Variants in DCAF6 observed in about 807,000 individuals in gnomAD.
The protein encoded by DCAF6 is DDB1 and CUL4 associated factor 6, also known as DDB1- and CUL4-associated factor 6.
A neutral mutation model predicts 125.1 loss-of-function variants in DCAF6; 54 were observed. The ratio of observed to expected loss-of-function variants is 0.43; its 90% CI spans 0.35 to 0.54. DCAF6 has a LOEUF of 0.54. Among genes scored for constraint, DCAF6 ranks in the 20% least tolerant of loss-of-function variants. The pLI, the probability that DCAF6 is intolerant of heterozygous loss-of-function variation, is 0.01. For missense variants in DCAF6, 934 were observed against 1,161.7 expected, an observed-to-expected ratio of 0.80 and a Z score of 2.85; for synonymous variants, 371 against 390.4, an observed-to-expected ratio of 0.95 and a Z score of 0.58.
intron 12 of DCAF6, among the ~76,000 whole-genome samples, chr1:168,032,312 A>C (rs1196845206): frequency 6.6e-6 from 1 of 152,220 alleles, no homozygotes; most frequent in Non-Finnish European, 1.5e-5. Context: ...GGGTAGATAG[A>C]TCTTCTCTGT....
At chr1:167,926,506 A>G in the DCAF6 span, among the ~76,000 whole-genome samples, 1 of 152,266 alleles carries the variant, frequency 6.6e-6, no homozygotes, top group Non-Finnish European at 1.5e-5. Context: ...ACTGAGTTTC[A>G]GAATATATAA....
At chr1:167,938,112 A>G (rs556318456) in intron 1 of DCAF6, among the ~76,000 whole-genome samples, 24 of 152,350 alleles carry the variant, frequency 1.6e-4, no homozygotes, top group Non-Finnish European at 2.8e-4. Flanking sequence ...TAAAAACTCA[A>G]TAAAAATGAA....
chr1:168,028,504 T>G (rs1686635915), intron 12 of DCAF6, among the ~76,000 whole-genome samples: 1 of 152,228 alleles, frequency 6.6e-6, no homozygotes, highest in Admixed American at 6.5e-5. Context: ...CTGCAGGCAC[T>G]AATTTTCTGT....
intron 7 of DCAF6, among the ~76,000 whole-genome samples, 164 bp from the exon 8 acceptor site, chr1:168,002,318 A>G (rs1007439261): frequency 6.6e-6 from 1 of 152,176 alleles, no homozygotes; most frequent in Non-Finnish European, 1.5e-5. Context: ...TGAATGCTTT[A>G]AAAGACTGAC....
At chr1:167,888,599 G>T in the DCAF6 span, among the ~76,000 whole-genome samples, 1 of 152,010 alleles carries the variant, frequency 6.6e-6, no homozygotes, top group Non-Finnish European at 1.5e-5. Flanking sequence ...TTTTTGGGCC[G>T]GGCGCGGTGG....
the DCAF6 span, among the ~76,000 whole-genome samples, chr1:167,907,668 C>G: frequency 7.9e-5 from 12 of 152,224 alleles, no homozygotes; most frequent in South Asian, 2.5e-3. Context: ...TTTAGATTAG[C>G]AAGAGGTGAT....
upstream of DCAF6, among the ~76,000 whole-genome samples, chr1:167,933,349 T>TA (rs1411677129): frequency 1.3e-5 from 2 of 152,094 alleles, no homozygotes; most frequent in East Asian, 3.8e-4. Flanking sequence ...TGTATTTTAG[T>TA]AGAGATAGGG....
At chr1:167,924,662 T>C in the DCAF6 span, 3 of 635,918 alleles carry the variant, frequency 4.7e-6, no homozygotes, top group African/African-American at 3.8e-5. Flanking sequence ...ACTTTTACTA[T>C]GCTTTTTGCA....
chr1:168,042,039 AT>A (rs960223407), intron 13 of DCAF6, among the ~76,000 whole-genome samples: 2 of 151,906 alleles, frequency 1.3e-5, no homozygotes, highest in African/African-American at 2.4e-5. Flanking sequence ...ACCCATATGA[AT>A]ATACAGTTTT....
chr1:167,906,527 C>T, the DCAF6 span, among the ~76,000 whole-genome samples: 1 of 151,580 alleles, frequency 6.6e-6, no homozygotes, highest in East Asian at 1.9e-4. Context: ...GTGGTTTGTG[C>T]CTATAATCCC....
At chr1:167,893,918 G>A in the DCAF6 span, 5 of 1,613,374 alleles carry the variant, frequency 3.1e-6, no homozygotes, top group South Asian at 2.2e-5. Context: ...TCAGGCTTCA[G>A]CGTGCATGCA....
In DCAF6 at chr1:168,063,766, A is replaced by C; in HGVS notation, c.2439+7A>C. 2 of 1,594,550 alleles carry C rather than the reference A, an allele frequency of 1.3e-6. No individual in the cohort carries two copies. The highest frequency in any genetic ancestry group is 1.7e-6 in the Non-Finnish European group (2 of 1,173,602). ...TCGCAACTCCAGGACAATGGTACCAAATGTTCATGGCATTTTTTGGTGAAA... is the reference window on the plus strand; with the variant it reads ...TCGCAACTCCAGGACAATGGTACCACATGTTCATGGCATTTTTTGGTGAAA... On this transcript the variant is annotated splice_region_variant and intron_variant, in intron 18 of 21. Transcript: ENST00000367840.
At chr1:168,020,761 A>G (rs1286210507) in intron 11 of DCAF6, among the ~76,000 whole-genome samples, 1 of 152,134 alleles carries the variant, frequency 6.6e-6, no homozygotes, top group African/African-American at 2.4e-5. Flanking sequence ...AATATTTGAA[A>G]ATATTTATGT....
chr1:167,911,001 C>G, the DCAF6 span, among the ~76,000 whole-genome samples: 1 of 152,214 alleles, frequency 6.6e-6, no homozygotes, highest in Non-Finnish European at 1.5e-5. Flanking sequence ...CAATACCACA[C>G]TCTCCTCACA....
the DCAF6 span, among the ~76,000 whole-genome samples, chr1:167,921,610 C>A: frequency 6.6e-6 from 1 of 152,086 alleles, no homozygotes; most frequent in Non-Finnish European, 1.5e-5. Flanking sequence ...TGCACTCATG[C>A]GTTTTTGCTC....
At chr1:168,070,997 G>A (rs1692948649) in intron 21 of DCAF6, among the ~76,000 whole-genome samples, 1 of 152,176 alleles carries the variant, frequency 6.6e-6, no homozygotes, top group African/African-American at 2.4e-5. Context: ...TGCAAAGCCT[G>A]TTATCCTATT....
Position 168,075,567 on chromosome 1 carries a change from C to A in DCAF6, c.*132C>A. The stretch of plus-strand genomic sequence containing the variant: ...GAGTTTTTCCCTTTTTTTGGGATAA[C>A]CTAACATTGGTTTGGAATGATTGTG... On this transcript the variant is annotated 3_prime_UTR_variant, in exon 22 of 22. Coordinates refer to ENST00000367840, the MANE Select transcript of DCAF6 (RefSeq NM_001198956.2). The A allele has an allele frequency of 1.4e-6, 1 of 716,738 alleles. No individual in the cohort carries two copies. Among genetic ancestry groups the A allele is most frequent in the Non-Finnish European group, 2.2e-6 (1 of 454,164 alleles). The allele number at this position is 716,738 out of a possible 1,614,324, so 44.4% of individuals were successfully genotyped here.
chr1:168,041,894 GCACA>G (rs869267755), intron 13 of DCAF6, among the ~76,000 whole-genome samples: 15 of 54,442 alleles, frequency 2.8e-4, no homozygotes, highest in African/African-American at 6.9e-4. Flanking sequence ...TGTTTGTCGC[GCACA>G]CACACACACA....
chr1:167,889,832 A>C, the DCAF6 span, among the ~76,000 whole-genome samples: 2 of 152,212 alleles, frequency 1.3e-5, no homozygotes, highest in Non-Finnish European at 1.5e-5. Flanking sequence ...ATAATTGCTC[A>C]TAGTAGCCAC....
Sources: allele counts gnomAD v4.1 joint callset (sites outside exome capture counted in the v4.1 genomes callset), GRCh38; gene constraint gnomAD v4.1.1; transcripts MANE v1.5; gene names NCBI Gene and HGNC (gene_info 2026-07-23, HGNC 2026-07-21).